Variants in B3GALT1 observed in about 807,000 individuals in gnomAD.
B3GALT1 encodes UDP-Gal:betaGlcNAc beta 1,3-galactosyltransferase, polypeptide 1.
A neutral mutation model predicts 23.2 loss-of-function variants in B3GALT1; 10 were observed. The observed-to-expected ratio is 0.43, with a 90% CI of 0.27 to 0.73. B3GALT1 has a LOEUF of 0.73. Ranked by LOEUF, B3GALT1 falls within the 30% of genes least tolerant of loss-of-function variation. The pLI, the probability that B3GALT1 is intolerant of heterozygous loss-of-function variation, is 0.21. For missense variants in B3GALT1, 299 were observed against 405.4 expected, an observed-to-expected ratio of 0.74 and a Z score of 2.25; for synonymous variants, 156 against 141.5, an observed-to-expected ratio of 1.10 and a Z score of -0.73.
chr2:167,572,278 A>T (rs1684307928), intron 2 of B3GALT1, among the ~76,000 whole-genome samples: 1 of 151,828 alleles, frequency 6.6e-6, no homozygotes. Flanking sequence ...AAAATATGTA[A>T]ATGCTATCTG....
intron 3 of B3GALT1, among the ~76,000 whole-genome samples, chr2:167,689,612 T>C (rs760914363): frequency 6.6e-6 from 1 of 151,996 alleles, no homozygotes; most frequent in African/African-American, 2.4e-5. Flanking sequence ...CATTTTAAGG[T>C]TGGAAGCAGA....
At chr2:167,365,583 A>AACAC (rs1697572678) in intron 1 of B3GALT1, among the ~76,000 whole-genome samples, 1 of 114,126 alleles carries the variant, frequency 8.8e-6, no homozygotes, top group South Asian at 2.9e-4. Context: ...TAGAGATACA[A>AACAC]ATACACACAC....
chr2:167,796,449 CAT>C (rs1688547900), intron 3 of B3GALT1, among the ~76,000 whole-genome samples: 1 of 152,116 alleles, frequency 6.6e-6, no homozygotes, highest in South Asian at 2.1e-4. Context: ...CATTCTAAAA[CAT>C]ATGAAAGTTT....
Position 167,869,006 on chromosome 2 carries a change from C to G in B3GALT1, c.-34C>G, listed in dbSNP as rs770163495. On this transcript the variant is annotated 5_prime_UTR_variant, in exon 5 of 5. Coordinates refer to ENST00000392690, the MANE Select transcript of B3GALT1 (RefSeq NM_020981.4). This position sits in a 1 kb window ranked among gnomAD's most constrained non-coding sequence, Gnocchi z 6.4. ...CAAACTAGTGCCAAGGAGGCGTATT[C>G]TTCAATATTTGGAATAGACGTGTTC... 18 of 1,545,480 alleles carry G rather than the reference C, an allele frequency of 1.2e-5. No homozygotes were observed. In the African/African-American group the frequency reaches 2.4e-4, roughly 20 times the overall value.
intron 1 of B3GALT1, among the ~76,000 whole-genome samples, chr2:167,412,438 G>A (rs1473796894): frequency 6.6e-6 from 1 of 151,998 alleles, no homozygotes; most frequent in Non-Finnish European, 1.5e-5. Context: ...AGAGAAATGA[G>A]CAAAAGTCTG....
chr2:167,697,805 T>C lies in B3GALT1; in HGVS notation c.-352+50839T>C, dbSNP rs115147464. ...CAGATAAGTGAAAGCATTGATTAGG[T>C]TGATCCTTGAAAACAAACAAACAAA... On this transcript the variant is annotated intron_variant, in intron 3 of 4. Transcript: ENST00000392690. Among the ~76,000 whole-genome samples, 493 of 152,156 alleles carry C rather than the reference T, an allele frequency of 3.2e-3. 5 individuals are homozygous for C. The highest frequency in any genetic ancestry group is 0.011 in the African/African-American group (465 of 41,480).
At chr2:167,595,305 C>T (rs181064152) in intron 2 of B3GALT1, among the ~76,000 whole-genome samples, 13 of 152,230 alleles carry the variant, frequency 8.5e-5, no homozygotes, top group African/African-American at 2.9e-4. Context: ...AAAAATAAGT[C>T]GTTTTGACTG....
intron 2 of B3GALT1, among the ~76,000 whole-genome samples, chr2:167,516,174 T>C (rs1168047217): frequency 6.6e-6 from 1 of 152,104 alleles, no homozygotes. Flanking sequence ...GCTGCAAATT[T>C]CAACATAATT....
chr2:167,654,490 G>A (rs1685919760), intron 3 of B3GALT1, among the ~76,000 whole-genome samples: 1 of 151,906 alleles, frequency 6.6e-6, no homozygotes. Flanking sequence ...ACTGCTTTTT[G>A]TTTTCTCTCT....
At chr2:167,707,441 T>A (rs1686982364) in intron 3 of B3GALT1, among the ~76,000 whole-genome samples, 1 of 152,328 alleles carries the variant, frequency 6.6e-6, no homozygotes, top group Admixed American at 6.5e-5. Context: ...CTCCATGAGC[T>A]AAGGTCAAGA....
At chr2:167,572,377 A>G (rs1684309831) in intron 2 of B3GALT1, among the ~76,000 whole-genome samples, 1 of 151,862 alleles carries the variant, frequency 6.6e-6, no homozygotes, top group Non-Finnish European at 1.5e-5. Context: ...AAAGTTATCG[A>G]CATTTTCAGC....
intron 3 of B3GALT1, among the ~76,000 whole-genome samples, chr2:167,743,697 T>C (rs80095043): frequency 0.16 from 24,820 of 152,110 alleles, 2,317 homozygotes; most frequent in Non-Finnish European, 0.22. Flanking sequence ...TATTTTCTAT[T>C]TGTGTCTTCT....
chr2:167,475,635 G>A (rs992000795), intron 1 of B3GALT1, among the ~76,000 whole-genome samples: 3 of 152,144 alleles, frequency 2.0e-5, no homozygotes, highest in African/African-American at 7.2e-5. Context: ...GGCATTAAGT[G>A]TGTGAGTGGA....
At chr2:167,453,031 C>T (rs1175360052) in intron 1 of B3GALT1, among the ~76,000 whole-genome samples, 1 of 152,122 alleles carries the variant, frequency 6.6e-6, no homozygotes, top group Admixed American at 6.5e-5. Flanking sequence ...AATTGTAATG[C>T]CAAGTAAAGT....
chr2:167,818,815 C>T (rs1392264163), intron 4 of B3GALT1, among the ~76,000 whole-genome samples, 22 bp downstream of exon 4: 6 of 151,974 alleles, frequency 3.9e-5, no homozygotes, highest in African/African-American at 9.7e-5. Flanking sequence ...ACCAGGTAGG[C>T]GAGAAACACG....
chr2:167,382,978 T>C (rs528752338), intron 1 of B3GALT1, among the ~76,000 whole-genome samples: 10 of 152,258 alleles, frequency 6.6e-5, no homozygotes, highest in African/African-American at 2.4e-4. Context: ...ATAGAAAGAA[T>C]AAATTCCATG....
At chr2:167,385,707 C>A (rs946114422) in intron 1 of B3GALT1, among the ~76,000 whole-genome samples, 1 of 152,200 alleles carries the variant, frequency 6.6e-6, no homozygotes, top group Non-Finnish European at 1.5e-5. Context: ...AGCATAACTT[C>A]AGAGATGCTG....
Position 167,870,587 on chromosome 2 carries a change from T to C in B3GALT1, c.*567T>C, listed in dbSNP as rs1284874111. 1.2e-5 allele frequency: 2 copies of C among 167,130 alleles called. No individual in the cohort carries two copies. The highest frequency in any genetic ancestry group is 4.8e-5 in the African/African-American group (2 of 41,456). The allele number at this position is 167,130 out of a possible 1,614,324, so 10.4% of individuals were successfully genotyped here. A position where few individuals can be genotyped will look rare whatever the true frequency, so the allele number is the denominator to read the frequency against. ...AGTTAAATAGATGGGAGTTTAAATT[T>C]GAGAATCAAACATTCTATGTGTTTG... is the stretch of plus-strand genomic sequence containing the variant. On this transcript the variant is annotated 3_prime_UTR_variant, in exon 5 of 5. Coordinates refer to ENST00000392690, the MANE Select transcript of B3GALT1 (RefSeq NM_020981.4).
chr2:167,645,782 G>A (rs907230459), intron 2 of B3GALT1, among the ~76,000 whole-genome samples: 1 of 151,908 alleles, frequency 6.6e-6, no homozygotes, highest in African/African-American at 2.4e-5. Flanking sequence ...CGTTGGTCAG[G>A]CTGGTCTCGA....
Sources: gnomAD v4.1 joint callset for allele counts (sites outside exome capture counted in the v4.1 genomes callset) on GRCh38, gnomAD v4.1.1 for gene constraint, Gnocchi (gnomAD v3.1) non-coding constraint, MANE v1.5 for transcripts, NCBI Gene and HGNC (gene_info 2026-07-23, HGNC 2026-07-21) for gene names.